Variants in ZMAT4 observed in about 807,000 individuals in gnomAD.
ZMAT4 encodes zinc finger matrin-type 4.
A neutral mutation model predicts 28.7 loss-of-function variants in ZMAT4; 17 were observed. The observed-to-expected ratio is 0.59, with a 90% confidence interval of 0.41 to 0.89. The LOEUF (loss-of-function observed/expected upper bound fraction) is 0.89, where lower values mean the gene tolerates loss of function less well. ZMAT4 is among the 40% of genes least tolerant of loss of function. The pLI, the probability that ZMAT4 is intolerant of heterozygous loss-of-function variation, is 0.00. For missense variants in ZMAT4, 240 were observed against 283.8 expected, an observed-to-expected ratio of 0.85 and a Z score of 1.11; for synonymous variants, 117 against 109.2, an observed-to-expected ratio of 1.07 and a Z score of -0.44.
In ZMAT4 at chr8:40,878,741, G is replaced by A. The variant is rs147822600; in HGVS notation, c.-5+18942C>T. ...CGTTCTCGCCACGCAAGGTGCGGCAGGTGAGAGAAACCAGAGATGCAGCTC... is the reference window on the plus strand; with the variant it reads ...CGTTCTCGCCACGCAAGGTGCGGCAAGTGAGAGAAACCAGAGATGCAGCTC... On this transcript the variant is annotated intron_variant, in intron 1 of 6. Coordinates refer to ENST00000297737, the MANE Select transcript of ZMAT4 (RefSeq NM_024645.3). Among the ~76,000 whole-genome samples the A allele has an allele frequency of 6.0e-3, 912 of 152,354 alleles. 4 individuals are homozygous for A. The highest frequency in any genetic ancestry group is 0.02 in the Middle Eastern group (6 of 294).
intron 3 of ZMAT4, among the ~76,000 whole-genome samples, chr8:40,757,585 CAAAAAAAAAA>C (rs1198724259): frequency 2.9e-5 from 3 of 103,384 alleles, no homozygotes; most frequent in Admixed American, 1.0e-4. Context: ...GACCCCATCT[CAAAAAAAAAA>C]AAAGAAAAAA....
intron 5 of ZMAT4, among the ~76,000 whole-genome samples, chr8:40,616,043 A>G (rs529321410): frequency 6.6e-6 from 1 of 152,322 alleles, no homozygotes; most frequent in African/African-American, 2.4e-5. Flanking sequence ...TTTACAAGAA[A>G]AAAGCAAACA....
intron 5 of ZMAT4, among the ~76,000 whole-genome samples, chr8:40,601,022 T>A (rs994322404): frequency 1.3e-5 from 2 of 152,126 alleles, no homozygotes; most frequent in African/African-American, 4.8e-5. Context: ...CTCCATCCCA[T>A]CAACTTGAAA....
chr8:40,812,484 G>T (rs181746435), intron 2 of ZMAT4, among the ~76,000 whole-genome samples: 1 of 152,148 alleles, frequency 6.6e-6, no homozygotes, highest in Admixed American at 6.5e-5. Context: ...CATCCAAAAC[G>T]AGGAAAACCT....
intron 2 of ZMAT4, among the ~76,000 whole-genome samples, chr8:40,803,577 A>C (rs529510268): frequency 8.5e-5 from 13 of 152,174 alleles, no homozygotes; most frequent in Non-Finnish European, 1.3e-4. Context: ...AATCCAGAAC[A>C]CTGACAATAG....
intron 3 of ZMAT4, among the ~76,000 whole-genome samples, chr8:40,725,877 G>A (rs1183320091): frequency 1.4e-4 from 21 of 151,642 alleles, no homozygotes; most frequent in Admixed American, 1.4e-3. Context: ...GATGGGCTTT[G>A]TAAAACTGAT....
chr8:40,739,626 T>TTTTG (rs750228554), intron 3 of ZMAT4, among the ~76,000 whole-genome samples: 18 of 152,108 alleles, frequency 1.2e-4, no homozygotes, highest in Middle Eastern at 3.2e-3. Context: ...CTATCAGGGT[T>TTTTG]TTTGTTTGTT....
At chr8:40,722,147 T>C (rs950603526) in intron 3 of ZMAT4, among the ~76,000 whole-genome samples, 1 of 151,896 alleles carries the variant, frequency 6.6e-6, no homozygotes. Flanking sequence ...CCAAAAGCAA[T>C]GGCAACAAAA....
chr8:40,680,462 A>C (rs1236692441), intron 4 of ZMAT4, among the ~76,000 whole-genome samples: 2 of 152,142 alleles, frequency 1.3e-5, no homozygotes, highest in African/African-American at 4.8e-5. Context: ...TGTTCCAGAG[A>C]TGAGAGCAGG....
At chr8:40,860,938 T>C (rs1817468207) in intron 1 of ZMAT4, among the ~76,000 whole-genome samples, 1 of 152,088 alleles carries the variant, frequency 6.6e-6, no homozygotes, top group African/African-American at 2.4e-5. Flanking sequence ...CCAGGAGAAG[T>C]GGTGGGAGAC....
At chr8:40,683,939 C>A (rs1585873749) in intron 4 of ZMAT4, among the ~76,000 whole-genome samples, 1 of 151,914 alleles carries the variant, frequency 6.6e-6, no homozygotes, top group East Asian at 1.9e-4. Flanking sequence ...GTGGCACGCG[C>A]CTGTAGTCCC....
At chr8:40,602,776 A>C (rs548463256) in intron 5 of ZMAT4, among the ~76,000 whole-genome samples, 62 of 151,374 alleles carry the variant, frequency 4.1e-4, no homozygotes, top group Admixed American at 1.1e-3. Context: ...TTTTTTGCTG[A>C]TTTGTTTGAG....
At chr8:40,628,632 G>A (rs1269606456) in intron 5 of ZMAT4, among the ~76,000 whole-genome samples, 1 of 152,154 alleles carries the variant, frequency 6.6e-6, no homozygotes, top group Non-Finnish European at 1.5e-5. Context: ...TGGAAAGGAG[G>A]GAAGGAGGAA....
chr8:40,668,468 C>CAAAA (rs71224843), intron 5 of ZMAT4, among the ~76,000 whole-genome samples: 21 of 84,980 alleles, frequency 2.5e-4, no homozygotes, highest in South Asian at 4.1e-4. Context: ...GACTTTGTCT[C>CAAAA]AAAAAAAAAA....
intron 2 of ZMAT4, among the ~76,000 whole-genome samples, chr8:40,796,755 G>C (rs74928486): frequency 1.1e-4 from 17 of 152,316 alleles, no homozygotes; most frequent in Non-Finnish European, 2.2e-4. Flanking sequence ...TTCTTCATCA[G>C]ATCTAGTCTG....
chr8:40,719,857 C>T (rs947872043), intron 3 of ZMAT4, among the ~76,000 whole-genome samples: 43 of 152,332 alleles, frequency 2.8e-4, no homozygotes, highest in African/African-American at 8.4e-4. Context: ...CAGGCATGAG[C>T]CACCATGCCC....
chr8:40,817,769 C>CA (rs1815602501), intron 2 of ZMAT4, among the ~76,000 whole-genome samples: 2 of 152,168 alleles, frequency 1.3e-5, no homozygotes, highest in East Asian at 3.9e-4. Context: ...AACTTGAGGT[C>CA]ACTCCTGTTA....
intron 5 of ZMAT4, among the ~76,000 whole-genome samples, chr8:40,581,629 C>T (rs371994780): frequency 4.6e-5 from 7 of 152,162 alleles, no homozygotes; most frequent in African/African-American, 9.7e-5. Flanking sequence ...CAGAGAAAAA[C>T]TCTATCCTAA....
chr8:40,571,388 G>A (rs1804093552), intron 6 of ZMAT4, among the ~76,000 whole-genome samples: 1 of 152,110 alleles, frequency 6.6e-6, no homozygotes, highest in Non-Finnish European at 1.5e-5. Flanking sequence ...CGGCATCTCT[G>A]AAATTCTCTC....
Sources: gnomAD v4.1 joint callset for allele counts (sites outside exome capture counted in the v4.1 genomes callset) on GRCh38, gnomAD v4.1.1 for gene constraint, MANE v1.5 for transcripts, NCBI Gene and HGNC (gene_info 2026-07-23, HGNC 2026-07-21) for gene names.